The following GPHN variants were observed in gnomAD, a reference collection of about 807,000 sequenced individuals.
GPHN encodes the protein gephyrin.
A neutral mutation model predicts 95.5 loss-of-function variants in GPHN; 17 were observed. That is an observed-to-expected ratio of 0.18 (90% CI 0.12 to 0.27). The LOEUF (loss-of-function observed/expected upper bound fraction) is 0.27. Ranked by LOEUF, GPHN falls within the 10% of genes least tolerant of loss-of-function variation. GPHN has a pLI of 1.00. For synonymous variants in GPHN, 320 were observed against 322.5 expected (o/e 0.99, Z 0.08); for missense variants, 660 against 978.1 (o/e 0.67, Z 4.34).
the GPHN span, chr14:67,715,193 A>G: frequency 6.9e-6 from 1 of 145,832 alleles, no homozygotes. Flanking sequence ...ATTCCCTACG[A>G]ATTCATAGCA....
At chr14:66,518,649 C>G (rs2058353751) in intron 1 of GPHN, among the ~76,000 whole-genome samples, 1 of 152,050 alleles carries the variant, frequency 6.6e-6, no homozygotes, top group Admixed American at 6.6e-5. Flanking sequence ...GAATACTGTT[C>G]AGCCATAAAG....
chr14:66,659,045 T>C (rs1566775421), intron 1 of GPHN, among the ~76,000 whole-genome samples: 1 of 151,606 alleles, frequency 6.6e-6, no homozygotes, highest in Admixed American at 6.6e-5. Flanking sequence ...GATTTGAGAC[T>C]TTTACTGTTT....
chr14:67,152,930 A>G (rs1057510567), intron 18 of GPHN, among the ~76,000 whole-genome samples: 3 of 151,086 alleles, frequency 2.0e-5, no homozygotes, highest in African/African-American at 7.3e-5. Flanking sequence ...GTGCCACTGC[A>G]CTCCAGCCTG....
At chr14:67,406,641 C>G in the GPHN span, among the ~76,000 whole-genome samples, 1 of 152,172 alleles carries the variant, frequency 6.6e-6, no homozygotes, top group Non-Finnish European at 1.5e-5. Flanking sequence ...TCATGTTAAA[C>G]CTATCACTCC....
At chr14:67,325,914 T>C in the GPHN span, among the ~76,000 whole-genome samples, 5 of 151,696 alleles carry the variant, frequency 3.3e-5, no homozygotes, top group Admixed American at 6.6e-5. Context: ...GTTCGAGCTA[T>C]TCTTCTGCCT....
intron 1 of GPHN, among the ~76,000 whole-genome samples, chr14:66,659,139 T>C (rs1434245794): frequency 6.6e-6 from 1 of 151,956 alleles, no homozygotes; most frequent in African/African-American, 2.4e-5. Flanking sequence ...CTTATTTTCA[T>C]ATTTTTTTTC....
the GPHN span, among the ~76,000 whole-genome samples, chr14:67,701,114 G>A: frequency 6.0e-5 from 9 of 149,824 alleles, no homozygotes; most frequent in African/African-American, 1.7e-4. Context: ...AGAAAAACAT[G>A]TATCTTTTTA....
intron 5 of GPHN, among the ~76,000 whole-genome samples, chr14:66,894,400 A>G (rs1173401730): frequency 1.3e-5 from 2 of 152,244 alleles, no homozygotes; most frequent in African/African-American, 4.8e-5. Flanking sequence ...ACCTAAAACC[A>G]TAAAAACCCT....
intron 3 of GPHN, among the ~76,000 whole-genome samples, chr14:66,812,849 TG>T (rs1259834143): frequency 2.0e-5 from 3 of 152,228 alleles, no homozygotes; most frequent in African/African-American, 4.8e-5. Context: ...AATGTATCCA[TG>T]CATGTTGAAA....
At chr14:66,566,725 A>T (rs1002650885) in intron 1 of GPHN, among the ~76,000 whole-genome samples, 1 of 152,192 alleles carries the variant, frequency 6.6e-6, no homozygotes, top group African/African-American at 2.4e-5. Flanking sequence ...TAGTGGCTTA[A>T]GAGTGTTTAT....
chr14:67,346,435 C>A, the GPHN span, among the ~76,000 whole-genome samples: 1 of 152,162 alleles, frequency 6.6e-6, no homozygotes, highest in African/African-American at 2.4e-5. Flanking sequence ...CCTCGGCCTC[C>A]CGAGTAGCTG....
At chr14:67,122,659 A>G (rs1181086271) in intron 17 of GPHN, among the ~76,000 whole-genome samples, 1 of 152,220 alleles carries the variant, frequency 6.6e-6, no homozygotes, top group East Asian at 1.9e-4. Context: ...AATGGAGCTA[A>G]CAGTGATGGC....
the GPHN span, chr14:67,572,079 C>A: frequency 1.3e-6 from 2 of 1,560,818 alleles, no homozygotes; most frequent in Non-Finnish European, 1.7e-6. Context: ...AGCTCCTGGG[C>A]TGCGTGAGTC....
the GPHN span, chr14:67,224,842 G>C: frequency 6.5e-6 from 2 of 308,538 alleles, no homozygotes; most frequent in African/African-American, 2.2e-5. Context: ...TAAGCAGCCA[G>C]GTTCATTCTT....
At chr14:67,269,551 TG>T in the GPHN span, 1 of 152,456 alleles carries the variant, frequency 6.6e-6, no homozygotes, top group Non-Finnish European at 1.5e-5. Context: ...GGGGTCATGG[TG>T]CATTTTTATG....
intron 8 of GPHN, among the ~76,000 whole-genome samples, chr14:66,927,587 G>A (rs1567112527): frequency 6.6e-6 from 1 of 152,076 alleles, no homozygotes; most frequent in African/African-American, 2.4e-5. Context: ...TTGAATAACA[G>A]TGGTAAAAGT....
intron 2 of GPHN, among the ~76,000 whole-genome samples, chr14:66,773,993 GTTTTTTT>G (rs1172451199): frequency 8.9e-5 from 8 of 89,972 alleles, no homozygotes; most frequent in Non-Finnish European, 1.2e-4. Flanking sequence ...TATCTAGAAA[GTTTTTTT>G]TTTTTTTTTT....
the GPHN span, among the ~76,000 whole-genome samples, chr14:67,468,489 C>T: frequency 0.25 from 37,875 of 152,122 alleles, 5,224 homozygotes; most frequent in African/African-American, 0.38. Flanking sequence ...CTTCAGAAGA[C>T]GTGGATGAAG....
chr14:66,627,260 T>C (rs2063559937), intron 1 of GPHN, among the ~76,000 whole-genome samples: 1 of 152,014 alleles, frequency 6.6e-6, no homozygotes, highest in South Asian at 2.1e-4. Flanking sequence ...TGTTTTATAT[T>C]CCCTGCTTGT....
Sources: allele counts gnomAD v4.1 joint callset (sites outside exome capture counted in the v4.1 genomes callset), GRCh38; gene constraint gnomAD v4.1.1; transcripts MANE v1.5; gene names NCBI Gene and HGNC (gene_info 2026-07-23, HGNC 2026-07-21).